The following USH1C variants were observed in gnomAD, a reference collection of about 807,000 sequenced individuals.
USH1C encodes the protein USH1 protein network component harmonin, also known as harmonin.
USH1C carries 90 observed loss-of-function variants against 119.3 expected under a neutral mutation model. The observed-to-expected ratio is 0.75, with a 90% CI of 0.64 to 0.90. The LOEUF is 0.90. Ranked by LOEUF, USH1C falls within the 40% of genes least tolerant of loss-of-function variation. The probability of loss-of-function intolerance (pLI) is 0.00; values close to 1 mark genes in which losing one functional copy is unlikely to be tolerated. For synonymous variants in USH1C, 465 were observed against 443.3 expected, an observed-to-expected ratio of 1.05 and a Z score of -0.62; for missense variants, 1,165 against 1,167.7, an observed-to-expected ratio of 1.00 and a Z score of 0.03.
chr11:17,522,847 A>T lies in USH1C; in HGVS notation c.956T>A (p.Met319Lys). 6.2e-7 allele frequency: 1 copy of T among 1,613,386 alleles called. No homozygotes were observed. Among genetic ancestry groups the T allele is most frequent in the Non-Finnish European group, 8.5e-7 (1 of 1,179,854 alleles). The change falls in exon 12 of 27, where the codon ATG becomes AAG. Residue 319 changes from methionine (M) to lysine (K), a missense_variant. Physicochemically the swap from Met to Lys is moderately conservative, Grantham distance 95 (BLOSUM62 -1). Coordinates refer to ENST00000005226, the MANE Select transcript of USH1C (RefSeq NM_153676.4). Reference sequence around the variant, plus strand: ...GGACTCCATCGCCAGCCGCTTCTGCATGAGAAGCTCCTGCCGCTGCAGCTC... The same window carrying T: ...GGACTCCATCGCCAGCCGCTTCTGCTTGAGAAGCTCCTGCCGCTGCAGCTC... ...QRELQRQELL[M>K]QKRLAMESNK...
intron 1 of USH1C, among the ~76,000 whole-genome samples, chr11:17,543,764 C>T (rs553209368): frequency 1.3e-5 from 2 of 152,214 alleles, no homozygotes; most frequent in African/African-American, 4.8e-5. Flanking sequence ...TTCTCAGACC[C>T]TAAGAAACGC....
chr11:17,524,952 A>T (rs1480663829), intron 8 of USH1C, among the ~76,000 whole-genome samples: 1 of 152,066 alleles, frequency 6.6e-6, no homozygotes, highest in Non-Finnish European at 1.5e-5. Flanking sequence ...GGGATCAAGC[A>T]ATCTTCCCAC....
intron 18 of USH1C, 133 bp downstream of exon 18, chr11:17,509,223 G>A (rs1421276523): frequency 4.8e-6 from 6 of 1,260,690 alleles, no homozygotes; most frequent in Non-Finnish European, 5.3e-6. Context: ...ACACGGAGGG[G>A]GCATTCCTGG....
Position 17,501,073 on chromosome 11 carries a change from C to T in USH1C, c.2358G>A (p.Glu786=), listed in dbSNP as rs773014424. 7.4e-6 allele frequency: 12 copies of T among 1,613,972 alleles called. No homozygotes were observed. The South Asian group carries it at 1.3e-4, about 18-fold the overall frequency. ...CACCATGCCGCTCAGCAGCTCCCCG[C>T]TCATACACAGCAGAAACGACCACCT... The part of the protein sequence containing the change: ...IGKVVVSAVY[E]RGAAERHGGI... Residue 786 remains glutamate, a synonymous_variant, in exon 23 of 27, where the codon GAG becomes GAA. Coordinates refer to ENST00000005226, the MANE Select transcript of USH1C (RefSeq NM_153676.4).
chr11:17,539,500 A>T lies in USH1C; in HGVS notation c.36+4772T>A, dbSNP rs529612203. Among the ~76,000 whole-genome samples, 80 of 152,362 alleles carry T rather than the reference A, an allele frequency of 5.3e-4. 1 individual carries two copies. Among genetic ancestry groups the T allele is most frequent in the Middle Eastern group, 3.4e-3 (1 of 294 alleles). The stretch of plus-strand genomic sequence containing the variant: ...GTATTAATTTAATGAGTTAATAATT[A>T]TGAAGAGTTCAGAACAGTGCCTGGC... On this transcript the variant is annotated intron_variant, in intron 1 of 26. Coordinates refer to ENST00000005226, the MANE Select transcript of USH1C (RefSeq NM_153676.4).
chr11:17,533,370 C>CCCT, intron 1 of USH1C, 48 bp from the exon 2 acceptor site: 1 of 1,366,904 alleles, frequency 7.3e-7, no homozygotes, highest in Non-Finnish European at 1.0e-6. Context: ...AGCACCCGCC[C>CCCT]CCATAGCAGA....
Position 17,494,074 on chromosome 11 carries a change from C to T in USH1C, c.*258G>A, listed in dbSNP as rs192348078. On this transcript the variant is annotated 3_prime_UTR_variant, in exon 27 of 27. Coordinates refer to ENST00000005226, the MANE Select transcript of USH1C (RefSeq NM_153676.4). ...GCTGGGAGAGACCAAATTCACTGGGCCAGAGGAAAGGAATGAGAGTCTGGA... is the reference window on the plus strand; with the variant it reads ...GCTGGGAGAGACCAAATTCACTGGGTCAGAGGAAAGGAATGAGAGTCTGGA... 6 of 538,254 alleles carry T rather than the reference C, an allele frequency of 1.1e-5. No individual in the cohort carries two copies. Among genetic ancestry groups the T allele is most frequent in the Middle Eastern group, 5.2e-4 (1 of 1,928 alleles). 33.3% of individuals were successfully genotyped at this position (538,254 alleles called of 1,614,324 possible).
At chr11:17,523,297 G>A (rs1850503499) in intron 10 of USH1C, 30 bp from the exon 11 acceptor site, 1 of 1,614,170 alleles carries the variant, frequency 6.2e-7, no homozygotes, top group Non-Finnish European at 8.5e-7. Flanking sequence ...GTGGGCCGAG[G>A]CCTGACAGAC....
chr11:17,494,367 G>A lies in USH1C; in HGVS notation c.2665C>T (p.Leu889=), dbSNP rs1186199578. 1.2e-6 allele frequency: 2 copies of A among 1,602,376 alleles called. No homozygotes were observed. The highest frequency in any genetic ancestry group is 1.1e-5 in the South Asian group (1 of 88,666). Residue 889 remains leucine (L), a synonymous_variant, in exon 27 of 27, where the codon CTG becomes TTG. Transcript: ENST00000005226. ...LLQLEPTDLL[L]KSKRGNQIHR Reference sequence around the variant, plus strand: ...ATTTGGTTTCCCCTTTTGGACTTCAGAAGAAGGTCCTGCAGGGAAGTGGAA... The same window carrying A: ...ATTTGGTTTCCCCTTTTGGACTTCAAAAGAAGGTCCTGCAGGGAAGTGGAA...
chr11:17,540,933 C>T (rs748484862), intron 1 of USH1C, among the ~76,000 whole-genome samples: 3 of 152,184 alleles, frequency 2.0e-5, no homozygotes, highest in Non-Finnish European at 4.4e-5. Flanking sequence ...GCCTACCAGG[C>T]CCCTACCACC....
intron 1 of USH1C, among the ~76,000 whole-genome samples, chr11:17,536,033 T>C (rs1007547115): frequency 2.0e-5 from 3 of 152,252 alleles, no homozygotes; most frequent in Non-Finnish European, 4.4e-5. Context: ...TCCTTTCTTA[T>C]CTCTAAGCCC....
chr11:17,519,600 G>A (rs1184525191), intron 14 of USH1C, among the ~76,000 whole-genome samples: 3 of 152,152 alleles, frequency 2.0e-5, no homozygotes, highest in African/African-American at 4.8e-5. Context: ...TATTTCACTC[G>A]TAAGAGCAAA....
intron 12 of USH1C, among the ~76,000 whole-genome samples, chr11:17,522,152 TA>T (rs1565049835): frequency 1.3e-5 from 2 of 152,354 alleles, no homozygotes; most frequent in East Asian, 3.9e-4. Context: ...TTTAAATGCC[TA>T]AAAGGTATTT....
In USH1C at chr11:17,544,385, C is replaced by A; in HGVS notation, c.-78G>T. 6.2e-7 allele frequency: 1 copy of A among 1,602,334 alleles called. No individual in the cohort carries two copies. Among genetic ancestry groups the A allele is most frequent in the Non-Finnish European group, 8.5e-7 (1 of 1,172,762 alleles). ...GGCTGCCAGGAGCTGGAAAGAGCCG[C>A]GACCGCGACCGGGCCAGCCGCCCTC... On this transcript the variant is annotated 5_prime_UTR_variant, in exon 1 of 27. Coordinates refer to ENST00000005226, the MANE Select transcript of USH1C (RefSeq NM_153676.4).
In USH1C at chr11:17,509,778, G is replaced by A. The variant is rs140528164; in HGVS notation, c.1591C>T (p.Arg531Cys). 69 of 1,601,530 alleles carry A rather than the reference G, an allele frequency of 4.3e-5. No individual in the cohort carries two copies. The African/African-American group carries it at 6.2e-4, about 14-fold the overall frequency. The change falls in exon 18 of 27, where the codon CGC becomes TGC. Residue 531 changes from arginine (R) to cysteine (C), a missense_variant. Physicochemically the swap from Arg to Cys is radical, Grantham distance 180. Transcript: ENST00000005226. The stretch of plus-strand genomic sequence containing the variant: ...TGCAGGTGCAGTCCGCCTGCGAAGC[G>A]TCTCAAGGGTGGGGCCAGGGGAGAC... ...SVSPLAPPLR[R>C]FAGGLHLHTT...
At chr11:17,521,985 T>A (rs376043185) in intron 12 of USH1C, among the ~76,000 whole-genome samples, 2 of 152,100 alleles carry the variant, frequency 1.3e-5, no homozygotes. Context: ...CATGCCACTA[T>A]GCCCAGCTAA....
chr11:17,495,345 A>C (rs1196505010), intron 26 of USH1C, among the ~76,000 whole-genome samples: 1 of 152,186 alleles, frequency 6.6e-6, no homozygotes, highest in African/African-American at 2.4e-5. Flanking sequence ...CTGGGTCCCA[A>C]GCAAGTACTA....
chr11:17,496,358 T>C (rs1259921597), intron 25 of USH1C, among the ~76,000 whole-genome samples: 3 of 152,156 alleles, frequency 2.0e-5, no homozygotes, highest in Non-Finnish European at 4.4e-5. Context: ...TATGAGTGAA[T>C]GCAGTTAGAC....
chr11:17,539,725 C>T (rs1851375000), intron 1 of USH1C, among the ~76,000 whole-genome samples: 1 of 152,028 alleles, frequency 6.6e-6, no homozygotes, highest in Non-Finnish European at 1.5e-5. Flanking sequence ...TCTTATCATC[C>T]ATCTTTTCTT....
Sources: gnomAD v4.1 joint callset for allele counts (sites outside exome capture counted in the v4.1 genomes callset) on GRCh38, gnomAD v4.1.1 for gene constraint, MANE v1.5 for transcripts, NCBI Gene and HGNC (gene_info 2026-07-23, HGNC 2026-07-21) for gene names.